Variants in DMD observed in about 807,000 individuals in gnomAD.
The protein encoded by DMD is mutant dystrophin.
Under a neutral mutation model 330.1 loss-of-function variants are expected in DMD, and 63 were observed. The ratio of observed to expected loss-of-function variants is 0.19; its 90% CI spans 0.16 to 0.24. DMD has a LOEUF of 0.24. Among genes scored for constraint, DMD ranks in the 10% least tolerant of loss-of-function variants. DMD has a pLI of 1.00. For synonymous variants in DMD, 1,223 were observed against 959.8 expected, an observed-to-expected ratio of 1.27 and a Z score of -5.07; for missense variants, 3,344 against 2,684.1, an observed-to-expected ratio of 1.25 and a Z score of -5.43.
chrX:32,727,799 T>A (rs1210480320), intron 7 of DMD, among the ~76,000 whole-genome samples: 1 of 108,357 alleles, frequency 9.2e-6, no homozygotes, highest in South Asian at 3.7e-4. Context: ...TATATTCCAA[T>A]TCACTTTTAT....
chrX:31,979,552 A>G (rs1203861988), intron 44 of DMD, among the ~76,000 whole-genome samples: 1 of 111,866 alleles, frequency 8.9e-6, no homozygotes, highest in African/African-American at 3.3e-5. Context: ...AATCTCTAAG[A>G]GCATAGCACA....
Position 31,323,642 on chromosome X carries a change from G to T in DMD, c.9180C>A (p.Pro3060=). The T allele has an allele frequency of 8.3e-7, 1 of 1,210,300 alleles. No individual in the cohort carries two copies. The highest frequency in any genetic ancestry group is 1.1e-6 in the Non-Finnish European group (1 of 894,568). Residue 3060 remains proline, a synonymous_variant, in exon 62 of 79, where the codon CCC becomes CCA. Transcript: ENST00000357033. The part of the protein sequence containing the change: ...QHFLSTSVQG[P]WERAISPNKV... Reference sequence around the variant, plus strand: ...TGTTTGGCGAGATGGCTCTCTCCCAGGGACCCTGGACAGACGCTGAAAAGA... The same window carrying T: ...TGTTTGGCGAGATGGCTCTCTCCCATGGACCCTGGACAGACGCTGAAAAGA...
intron 44 of DMD, among the ~76,000 whole-genome samples, chrX:32,121,045 C>T (rs1383187888): frequency 8.9e-6 from 1 of 111,830 alleles, no homozygotes; most frequent in African/African-American, 3.3e-5. Flanking sequence ...AGAACAAGCC[C>T]GGAAGTGCAA....
chrX:31,444,439 T>C, intron 60 of DMD, 42 bp downstream of exon 60: 16 of 1,200,844 alleles, frequency 1.3e-5, no homozygotes, highest in Non-Finnish European at 1.7e-5. Flanking sequence ...CTGTATATTA[T>C]TTTACTGTAA....
At position 32,667,293 on chromosome X, in the gene DMD, G is replaced by C. The variant is rs1263805551; in HGVS notation, c.961-22141C>G. ...GAAGACGTTTGTAGTAAACAGAAGA[G>C]ACAACTGTCTCTGTCCTCATGGAAC... On this transcript the variant is annotated intron_variant, in intron 9 of 78. Transcript: ENST00000357033. 3.6e-5 allele frequency among the ~76,000 whole-genome samples: 4 copies of C among 111,614 alleles called. No individual in the cohort carries two copies. In the Admixed American group the frequency reaches 3.8e-4, roughly 11 times the overall value.
chrX:32,781,133 A>G (rs2074714944), intron 7 of DMD, among the ~76,000 whole-genome samples: 1 of 105,819 alleles, frequency 9.5e-6, no homozygotes, highest in Non-Finnish European at 1.9e-5. Context: ...AAGAAAAAAA[A>G]AAAAAAAAAA....
At chrX:32,252,773 AATAT>A (rs1409033219) in intron 43 of DMD, among the ~76,000 whole-genome samples, 1 of 35,862 alleles carries the variant, frequency 2.8e-5, no homozygotes, top group Non-Finnish European at 4.3e-5. Flanking sequence ...AATATATATA[AATAT>A]ATATAAATAT....
At chrX:32,481,599 G>C (rs1466392764) in intron 21 of DMD, among the ~76,000 whole-genome samples, 4 of 111,016 alleles carry the variant, frequency 3.6e-5, no homozygotes, top group Non-Finnish European at 7.6e-5. Flanking sequence ...GACATGCCAA[G>C]CCCTCATTCT....
rs747337538 is a variant in DMD at position 32,823,498 on chromosome X, T to C, written c.265-111A>G. 1.2e-4 allele frequency: 67 copies of C among 551,952 alleles called. No individual in the cohort carries two copies. In the East Asian group the frequency reaches 2.3e-3, roughly 19 times the overall value. The allele number at this position is 551,952 out of a possible 1,213,427, so 45.5% of individuals were successfully genotyped here. ...TTGCATTTAGCTATTTTCAGAGACT[T>C]AGCATTGAAGCTTTTTGAAAATAAT... is the stretch of plus-strand genomic sequence containing the variant. On this transcript the variant is annotated intron_variant, in intron 4 of 78. Transcript: ENST00000357033.
At chrX:33,210,929 C>G (rs767664511) in intron 1 of DMD, among the ~76,000 whole-genome samples, 41 of 111,239 alleles carry the variant, frequency 3.7e-4, no homozygotes, top group African/African-American at 1.2e-3. Flanking sequence ...GAAGTATCAA[C>G]TAATCAAAAT....
At chrX:31,849,758 T>C (rs1028422537) in intron 48 of DMD, among the ~76,000 whole-genome samples, 1 of 110,786 alleles carries the variant, frequency 9.0e-6, no homozygotes, top group African/African-American at 3.3e-5. Context: ...TGTGAATAAA[T>C]AGACATAAGA....
At chrX:31,436,616 G>GTTGTACAATTAT (rs1226450978) in intron 60 of DMD, among the ~76,000 whole-genome samples, 1 of 112,063 alleles carries the variant, frequency 8.9e-6, no homozygotes, top group Non-Finnish European at 1.9e-5. Context: ...AGTACAATTA[G>GTTGTACAATTAT]TTGTACAAAC....
intron 61 of DMD, among the ~76,000 whole-genome samples, chrX:31,343,618 T>TGA (rs1179095003): frequency 5.0e-4 from 41 of 81,611 alleles, no homozygotes; most frequent in African/African-American, 1.8e-3. Flanking sequence ...TGTGTGTGTG[T>TGA]GAGAGAGAGA....
chrX:32,922,523 T>C (rs2146586122), intron 2 of DMD, among the ~76,000 whole-genome samples: 1 of 112,167 alleles, frequency 8.9e-6, no homozygotes, highest in East Asian at 2.8e-4. Context: ...GGAGATGGTT[T>C]GGGAATGATT....
chrX:31,568,233 G>A (rs1042983519), intron 55 of DMD, among the ~76,000 whole-genome samples: 1 of 111,357 alleles, frequency 9.0e-6, no homozygotes, highest in Non-Finnish European at 1.9e-5. Context: ...TTAAAGTAAT[G>A]TGTATTCTGC....
At chrX:32,404,002 C>T (rs1270109231) in intron 30 of DMD, among the ~76,000 whole-genome samples, 1 of 111,796 alleles carries the variant, frequency 8.9e-6, no homozygotes, top group Non-Finnish European at 1.9e-5. Context: ...CTGTTTTATT[C>T]CTTAATGAAA....
At chrX:32,873,590 T>C (rs1007825415) in intron 2 of DMD, among the ~76,000 whole-genome samples, 1 of 111,584 alleles carries the variant, frequency 9.0e-6, no homozygotes, top group Non-Finnish European at 1.9e-5. Context: ...ATGAAGTAGG[T>C]TACAGTGGTT....
chrX:32,779,137 C>G (rs12012383), intron 7 of DMD, among the ~76,000 whole-genome samples: 9,174 of 110,796 alleles, frequency 0.083, 960 homozygotes, highest in African/African-American at 0.29. Flanking sequence ...GCTAATTGTT[C>G]ATGTATGAAT....
chrX:31,862,922 C>T (rs2093731332), intron 48 of DMD, among the ~76,000 whole-genome samples: 1 of 112,863 alleles, frequency 8.9e-6, no homozygotes, highest in South Asian at 3.6e-4. Context: ...CATCCGGGTA[C>T]AATGCAGCAG....
Sources: allele counts gnomAD v4.1 joint callset (sites outside exome capture counted in the v4.1 genomes callset), GRCh38; gene constraint gnomAD v4.1.1; transcripts MANE v1.5; gene names NCBI Gene and HGNC (gene_info 2026-07-23, HGNC 2026-07-21).